Variants in NEXN observed in about 807,000 individuals in gnomAD.
NEXN encodes nexilin.
In NEXN, 65 loss-of-function variants were observed where a neutral mutation model predicts 92.6. The ratio of observed to expected loss-of-function variants is 0.70; its 90% CI spans 0.57 to 0.86. The LOEUF (loss-of-function observed/expected upper bound fraction) is 0.86, where lower values mean the gene tolerates loss of function less well. Ranked by LOEUF, NEXN falls within the 40% of genes least tolerant of loss-of-function variation. NEXN has a pLI of 0.00. For missense variants in NEXN, 778 were observed against 771.1 expected, an observed-to-expected ratio of 1.01 and a Z score of -0.11; for synonymous variants, 254 against 242.5, an observed-to-expected ratio of 1.05 and a Z score of -0.44.
intron 11 of NEXN, among the ~76,000 whole-genome samples, chr1:77,939,100 A>G (rs982525999): frequency 3.3e-5 from 5 of 152,224 alleles, no homozygotes; most frequent in African/African-American, 9.6e-5. Flanking sequence ...ACAGACCTAA[A>G]TAACAAAACT....
intron 11 of NEXN, among the ~76,000 whole-genome samples, chr1:77,936,413 C>G (rs1271053792): frequency 6.6e-6 from 1 of 152,022 alleles, no homozygotes; most frequent in Non-Finnish European, 1.5e-5. Context: ...AAAGTGAAAC[C>G]CCATCTCTAC....
At position 77,943,237 on chromosome 1, in the gene NEXN, CAAAA is replaced by C. The variant is rs368295679; in HGVS notation, c.*415_*418del. ...AGCAACTATGTTTAAAAAACAAAAA[CAAAA>C]AAAAAACACACAAACCTAAGTAGAA... On this transcript the variant is annotated 3_prime_UTR_variant, in exon 13 of 13. Transcript: ENST00000334785. 7 of 195,864 alleles carry C rather than the reference CAAAA, an allele frequency of 3.6e-5. No homozygotes were observed. In the South Asian group the frequency reaches 4.7e-4, roughly 13 times the overall value. 12.1% of individuals were successfully genotyped at this position (195,864 alleles called of 1,614,324 possible).
chr1:77,932,825 C>A (rs1452091073), intron 9 of NEXN, among the ~76,000 whole-genome samples: 3 of 152,134 alleles, frequency 2.0e-5, no homozygotes, highest in African/African-American at 7.2e-5. Flanking sequence ...TTGAGACTTC[C>A]TTGTTTACTG....
In NEXN at chr1:77,917,624, G is replaced by T. The variant is rs876657931; in HGVS notation, c.86G>T (p.Gly29Val). The change falls in exon 3 of 13, where the codon GGT becomes GTT. Residue 29 changes from glycine to valine, a missense_variant. By Grantham distance (109) the Gly-to-Val change is moderately radical. This residue lies in a region of NEXN where 236 missense variants were observed against 265.6 expected (regional missense o/e 0.89). Transcript: ENST00000334785. The stretch of plus-strand genomic sequence containing the variant: ...ACCTATGTACCAAAACTTGGCAAGG[G>T]TGATGTAAAGGATAAGTTTGAAGCC... Reference protein sequence around the residue: ...PKTYVPKLGKGDVKDKFEAMQ... With the variant: ...PKTYVPKLGKVDVKDKFEAMQ... 1 of 1,613,484 alleles carries T rather than the reference G, an allele frequency of 6.2e-7. No homozygotes were observed. The highest frequency in any genetic ancestry group is 1.1e-5 in the South Asian group (1 of 91,008).
chr1:77,924,415 T>G (rs1030329705), intron 5 of NEXN, among the ~76,000 whole-genome samples: 1 of 152,124 alleles, frequency 6.6e-6, no homozygotes, highest in Non-Finnish European at 1.5e-5. Flanking sequence ...TTGTATCAGT[T>G]TTATTTTTGC....
Position 77,935,980 on chromosome 1 carries a change from A to C in NEXN, c.1409A>C (p.Glu470Ala), listed in dbSNP as rs758400214. The C allele has an allele frequency of 6.2e-7, 1 of 1,614,054 alleles. No individual in the cohort carries two copies. Among genetic ancestry groups the C allele is most frequent in the Non-Finnish European group, 8.5e-7 (1 of 1,180,008 alleles). ...GAAATACAGAAAAAAATAGAAGAAGAGCGAGCAAGAAGGAGAGCAATTGAC... is the reference window on the plus strand; with the variant it reads ...GAAATACAGAAAAAAATAGAAGAAGCGCGAGCAAGAAGGAGAGCAATTGAC... ...EKEIQKKIEEERARRRAIDLE... is the reference protein window; with the variant it reads ...EKEIQKKIEEARARRRAIDLE... Residue 470 changes from glutamate (E) to alanine (A), a missense_variant, in exon 11 of 13, where the codon GAG becomes GCG. By Grantham distance (107) the Glu-to-Ala change is moderately radical. Transcript: ENST00000334785.
intron 1 of NEXN, chr1:77,889,163 C>G (rs531452083): frequency 6.6e-6 from 1 of 152,376 alleles, no homozygotes; most frequent in Non-Finnish European, 1.5e-5. Flanking sequence ...TCGGCTGAAC[C>G]CTTGGGGTCC....
intron 1 of NEXN, among the ~76,000 whole-genome samples, chr1:77,908,970 G>A (rs772314835): frequency 8.5e-5 from 13 of 152,132 alleles, no homozygotes; most frequent in Non-Finnish European, 1.6e-4. Context: ...TATGGAGGCC[G>A]TGGAAATATG....
At chr1:77,907,770 T>G (rs183669479) in intron 1 of NEXN, among the ~76,000 whole-genome samples, 9 of 152,310 alleles carry the variant, frequency 5.9e-5, no homozygotes, top group Middle Eastern at 3.4e-3. Context: ...ATTTATTTTC[T>G]AGGACTATTC....
intron 9 of NEXN, among the ~76,000 whole-genome samples, chr1:77,929,832 T>A (rs1186725657): frequency 2.6e-5 from 4 of 152,182 alleles, no homozygotes; most frequent in Non-Finnish European, 5.9e-5. Context: ...CAACTTTTCT[T>A]TCTTCCTCTC....
rs1473905700 is a variant in NEXN at position 77,906,438 on chromosome 1, A to G, written c.-52-9617A>G. On this transcript the variant is annotated intron_variant, in intron 1 of 12. Coordinates refer to ENST00000334785, the MANE Select transcript of NEXN (RefSeq NM_144573.4). ...TTTCTTAATGTGCATGAAAAAACCA[A>G]CAGTTAACTATATAATTATCATTAG... is the stretch of plus-strand genomic sequence containing the variant. Among the ~76,000 whole-genome samples, 6 of 152,306 alleles carry G rather than the reference A, an allele frequency of 3.9e-5. No homozygotes were observed. In the East Asian group the frequency reaches 1.2e-3, roughly 29 times the overall value.
chr1:77,898,013 A>G (rs1421295439), intron 1 of NEXN, among the ~76,000 whole-genome samples: 4 of 152,220 alleles, frequency 2.6e-5, no homozygotes, highest in Non-Finnish European at 5.9e-5. Flanking sequence ...ATAAAAGAGG[A>G]TACAAACAAA....
At chr1:77,904,902 C>A (rs1647992587) in intron 1 of NEXN, among the ~76,000 whole-genome samples, 1 of 152,248 alleles carries the variant, frequency 6.6e-6, no homozygotes, top group Admixed American at 6.5e-5. Flanking sequence ...AGAATAGAGA[C>A]CATGTCTGTG....
At chr1:77,892,005 C>A (rs1388760542) in intron 1 of NEXN, among the ~76,000 whole-genome samples, 2 of 151,838 alleles carry the variant, frequency 1.3e-5, no homozygotes, top group African/African-American at 4.8e-5. Flanking sequence ...ATTGCTTGAG[C>A]TCAGGAGGCT....
At position 77,926,719 on chromosome 1, in the gene NEXN, G is replaced by A; in HGVS notation, c.691G>A (p.Asp231Asn). The change falls in exon 8 of 13, where the codon GAT (aspartate) becomes AAT (asparagine). Residue 231 changes from aspartate (D) to asparagine (N), a missense_variant. By Grantham distance (23) the Asp-to-Asn change is conservative. Around this residue, in one of 3 missense-constraint regions of NEXN, gnomAD observed 236 missense variants for 265.6 expected, o/e 0.89. Coordinates refer to ENST00000334785, the MANE Select transcript of NEXN (RefSeq NM_144573.4). ...GGTTTTCATAACGTTTTCTTAGGAT[G>A]ATGAAATAGAAAGTGAAGCAAAAAA... ...EAKCLSLVMD[D>N]EIESEAKKES... is the part of the protein sequence containing the mutation. The A allele has an allele frequency of 1.2e-6, 2 of 1,613,764 alleles. No homozygotes were observed. Among genetic ancestry groups the A allele is most frequent in the Non-Finnish European group, 8.5e-7 (1 of 1,179,908 alleles).
intron 5 of NEXN, among the ~76,000 whole-genome samples, chr1:77,923,564 G>A (rs1649608707): frequency 6.6e-6 from 1 of 151,808 alleles, no homozygotes; most frequent in Non-Finnish European, 1.5e-5. Context: ...CTTAAACACT[G>A]CATTATTTAA....
intron 1 of NEXN, among the ~76,000 whole-genome samples, chr1:77,911,612 T>A (rs1482977750): frequency 1.3e-5 from 2 of 151,772 alleles, no homozygotes. Context: ...ACAAAACAAC[T>A]TTGCTTCATG....
intron 9 of NEXN, among the ~76,000 whole-genome samples, chr1:77,930,853 A>G (rs1650229951): frequency 6.6e-6 from 1 of 152,216 alleles, no homozygotes; most frequent in Non-Finnish European, 1.5e-5. Flanking sequence ...CTCTTCTATC[A>G]TAGCGCTAAT....
intron 5 of NEXN, among the ~76,000 whole-genome samples, chr1:77,920,855 A>T (rs1649368673): frequency 1.3e-5 from 2 of 152,102 alleles, no homozygotes; most frequent in Non-Finnish European, 2.9e-5. Flanking sequence ...ATTTGGGAAG[A>T]AGCAAAAGGA....
Sources: gnomAD v4.1 joint callset for allele counts (sites outside exome capture counted in the v4.1 genomes callset) on GRCh38, gnomAD v4.1.1 for gene constraint, gnomAD v4.1.1 regional missense constraint, MANE v1.5 for transcripts, NCBI Gene and HGNC (gene_info 2026-07-23, HGNC 2026-07-21) for gene names.